LIPC: variants seen among roughly 807,000 people sequenced by gnomAD.
LIPC encodes hepatic triacylglycerol lipase.
A neutral mutation model predicts 50.7 loss-of-function variants in LIPC; 44 were observed. That is an observed-to-expected ratio of 0.87 (90% CI 0.68 to 1.11). The LOEUF is 1.11. Ranked by LOEUF, LIPC falls within the 50% of genes most tolerant of loss-of-function variation. The pLI, the probability that LIPC is intolerant of heterozygous loss-of-function variation, is 0.00. For missense variants in LIPC, 697 were observed against 648.2 expected, an observed-to-expected ratio of 1.08 and a Z score of -0.82; for synonymous variants, 271 against 256.4, an observed-to-expected ratio of 1.06 and a Z score of -0.54.
chr15:58,496,491 G>A (rs1256424017), intron 1 of LIPC, among the ~76,000 whole-genome samples: 1 of 152,064 alleles, frequency 6.6e-6, no homozygotes, highest in African/African-American at 2.4e-5. Flanking sequence ...GAAGGAGAGA[G>A]GGAGAAAAGG....
intron 1 of LIPC, among the ~76,000 whole-genome samples, chr15:58,470,178 G>C (rs7162603): frequency 0.11 from 17,323 of 152,048 alleles, 1,206 homozygotes; most frequent in Non-Finnish European, 0.17. Flanking sequence ...ACAGTGCTTC[G>C]GGTTCAGCCT....
chr15:58,514,087 T>C (rs956250198), intron 1 of LIPC, among the ~76,000 whole-genome samples: 7 of 152,196 alleles, frequency 4.6e-5, no homozygotes, highest in East Asian at 1.9e-4. Context: ...GGTACAGTAA[T>C]AAGCATCATC....
chr15:58,496,804 G>A (rs913019058), intron 1 of LIPC, among the ~76,000 whole-genome samples: 1 of 145,074 alleles, frequency 6.9e-6, no homozygotes, highest in Non-Finnish European at 1.5e-5. Flanking sequence ...GAGTGCAGTG[G>A]TTCAATCTCT....
chr15:58,511,134 A>G (rs566669421), intron 1 of LIPC, among the ~76,000 whole-genome samples: 8 of 152,336 alleles, frequency 5.3e-5, no homozygotes, highest in Middle Eastern at 3.4e-3. Flanking sequence ...TCTACATCCT[A>G]TGTTTTTCTT....
chr15:58,508,778 A>G (rs1294195021), intron 1 of LIPC, among the ~76,000 whole-genome samples: 1 of 151,686 alleles, frequency 6.6e-6, no homozygotes, highest in African/African-American at 2.4e-5. Flanking sequence ...CCTCTCCAGC[A>G]CTGTGCAGGA....
At chr15:58,509,088 C>G (rs1892252672) in intron 1 of LIPC, among the ~76,000 whole-genome samples, 1 of 152,158 alleles carries the variant, frequency 6.6e-6, no homozygotes, top group Non-Finnish European at 1.5e-5. Flanking sequence ...TGTATGCAGG[C>G]AATTGTGGGA....
At chr15:58,442,282 A>G (rs577676177) in intron 1 of LIPC, among the ~76,000 whole-genome samples, 1 of 152,318 alleles carries the variant, frequency 6.6e-6, no homozygotes, top group African/African-American at 2.4e-5. Context: ...GAAATGTGGA[A>G]GCAAAGTTCT....
At chr15:58,565,717 G>A (rs1268855491) in intron 8 of LIPC, 15 of 994,770 alleles carry the variant, frequency 1.5e-5, no homozygotes, top group African/African-American at 1.7e-5. Flanking sequence ...ATTAGTTTTG[G>A]TTCCATTAAT....
At chr15:58,484,096 G>A (rs1309613427) in intron 1 of LIPC, among the ~76,000 whole-genome samples, 2 of 152,114 alleles carry the variant, frequency 1.3e-5, no homozygotes, top group African/African-American at 4.8e-5. Context: ...TGACCCTCTG[G>A]CTCTATCTTT....
chr15:58,496,925 T>C (rs1485753769), intron 1 of LIPC, among the ~76,000 whole-genome samples: 2 of 152,066 alleles, frequency 1.3e-5, no homozygotes, highest in Admixed American at 1.3e-4. Context: ...CCTCAGGTTA[T>C]CCACCCGCCT....
intron 1 of LIPC, among the ~76,000 whole-genome samples, chr15:58,502,737 A>G (rs1237388710): frequency 6.6e-6 from 1 of 152,098 alleles, no homozygotes; most frequent in African/African-American, 2.4e-5. Flanking sequence ...AAGGCTTCCA[A>G]TGCTGAAGAG....
chr15:58,447,531 C>T (rs897877357), intron 1 of LIPC, among the ~76,000 whole-genome samples: 3 of 152,274 alleles, frequency 2.0e-5, no homozygotes, highest in East Asian at 1.9e-4. Flanking sequence ...TGAGAAGAGG[C>T]GCATGCATAT....
intron 1 of LIPC, among the ~76,000 whole-genome samples, chr15:58,498,289 T>C (rs1031805045): frequency 8.7e-4 from 132 of 152,208 alleles, no homozygotes; most frequent in African/African-American, 3.0e-3. Context: ...AGGATGTGGT[T>C]CAATAGGTCT....
intron 1 of LIPC, among the ~76,000 whole-genome samples, chr15:58,479,384 TC>T (rs1373956322): frequency 2.0e-5 from 3 of 152,242 alleles, no homozygotes; most frequent in Non-Finnish European, 2.9e-5. Flanking sequence ...AGCGCATTTG[TC>T]CAAACAGAAT....
intron 1 of LIPC, among the ~76,000 whole-genome samples, chr15:58,524,443 AG>A (rs1208745252): frequency 1.3e-5 from 2 of 152,258 alleles, no homozygotes; most frequent in Non-Finnish European, 2.9e-5. Flanking sequence ...ATATAGCCAC[AG>A]GGTAGAGTCC....
At chr15:58,462,592 C>T (rs1480781209) in intron 1 of LIPC, among the ~76,000 whole-genome samples, 1 of 152,236 alleles carries the variant, frequency 6.6e-6, no homozygotes, top group Non-Finnish European at 1.5e-5. Flanking sequence ...GTCCCCTCTC[C>T]TGCTCTGTTT....
At chr15:58,459,629 A>C (rs1408300710) in intron 1 of LIPC, among the ~76,000 whole-genome samples, 1 of 152,192 alleles carries the variant, frequency 6.6e-6, no homozygotes, top group Non-Finnish European at 1.5e-5. Context: ...TTTTACATTT[A>C]TGGAAAAGCA....
intron 2 of LIPC, among the ~76,000 whole-genome samples, chr15:58,538,973 A>G (rs1449037889): frequency 7.9e-5 from 12 of 152,234 alleles, no homozygotes; most frequent in African/African-American, 2.9e-4. Context: ...ATTTGTTTTC[A>G]TTTCGCAAAA....
chr15:58,521,280 G>A (rs1333052053), intron 1 of LIPC: 1 of 152,178 alleles, frequency 6.6e-6, no homozygotes, highest in African/African-American at 2.4e-5. Context: ...CCTCTGTGCA[G>A]GCCTTGTGCT....
Sources: gnomAD v4.1 joint callset for allele counts (sites outside exome capture counted in the v4.1 genomes callset) on GRCh38, gnomAD v4.1.1 for gene constraint, MANE v1.5 for transcripts, NCBI Gene and HGNC (gene_info 2026-07-23, HGNC 2026-07-21) for gene names.